The following SLCO5A1 variants were observed in gnomAD, a reference collection of about 807,000 sequenced individuals.
SLCO5A1 encodes the protein organic anion transporter polypeptide-related protein 4.
In SLCO5A1, 39 loss-of-function variants were observed where a neutral mutation model predicts 65.1. The observed-to-expected ratio is 0.60, with a 90% confidence interval of 0.46 to 0.78. SLCO5A1 has a LOEUF of 0.78. Ranked by LOEUF, SLCO5A1 falls within the 30% of genes least tolerant of loss-of-function variation. The pLI is 0.00. For synonymous variants in SLCO5A1, 438 were observed against 415.7 expected, an observed-to-expected ratio of 1.05 and a Z score of -0.65; for missense variants, 1,029 against 1,069.4, an observed-to-expected ratio of 0.96 and a Z score of 0.53.
At position 69,670,848 on chromosome 8, in the gene SLCO5A1, TC is replaced by T. The variant is rs1487275691; in HGVS notation, c.*2020del. On this transcript the variant is annotated 3_prime_UTR_variant, in exon 10 of 10. Transcript: ENST00000260126. ...ACACCACACCTCTCCAATCTACATA[TC>T]TTTAACTCCCACACCAAAGGAAAAT... 6.6e-6 allele frequency: 1 copy of T among 152,188 alleles called. No homozygotes were observed. Among genetic ancestry groups the T allele is most frequent in the Non-Finnish European group, 1.5e-5 (1 of 68,042 alleles). The allele number at this position is 152,188 out of a possible 1,614,324, so 9.4% of individuals were successfully genotyped here.
Position 69,761,831 on chromosome 8 carries a change from A to G in SLCO5A1, c.952T>C (p.Leu318=). 1 of 1,613,970 alleles carries G rather than the reference A, an allele frequency of 6.2e-7. No homozygotes were observed. The highest frequency in any genetic ancestry group is 8.5e-7 in the Non-Finnish European group (1 of 1,179,982). The part of the protein sequence containing the change: ...MGALGPAVGY[L]LGGLLIGFYV... ...AAACCAATAAGAAGTCCACCTAATA[A>G]ATATCCCACTGCAGGGCCAAGTGCT... The change falls in exon 3 of 10, where the codon TTA becomes CTA. Residue 318 remains leucine, a synonymous_variant. Transcript: ENST00000260126.
chr8:69,753,735 G>C (rs1324564935), intron 4 of SLCO5A1, among the ~76,000 whole-genome samples: 2 of 152,040 alleles, frequency 1.3e-5, no homozygotes, highest in Non-Finnish European at 2.9e-5. Flanking sequence ...GGCTGGCCAG[G>C]CATGGTGGCT....
chr8:69,731,581 TCTGA>T (rs1165493239), intron 5 of SLCO5A1, among the ~76,000 whole-genome samples: 1 of 152,368 alleles, frequency 6.6e-6, no homozygotes, highest in Non-Finnish European at 1.5e-5. Flanking sequence ...AGCTGAGTGT[TCTGA>T]CTTTTTGTCC....
intron 2 of SLCO5A1, among the ~76,000 whole-genome samples, chr8:69,786,752 C>G (rs1819055591): frequency 6.6e-6 from 1 of 152,136 alleles, no homozygotes; most frequent in Non-Finnish European, 1.5e-5. Flanking sequence ...AAAAAATTAT[C>G]TTGCGTAGAA....
At position 69,705,702 on chromosome 8, in the gene SLCO5A1, G is replaced by A. The variant is rs563604775; in HGVS notation, c.1424-473C>T. Among the ~76,000 whole-genome samples, 9 of 152,260 alleles carry A rather than the reference G, an allele frequency of 5.9e-5. No homozygotes were observed. In the South Asian group the frequency reaches 1.7e-3, roughly 28 times the overall value. ...CCACATGTACCTCATAAATATGTAC[G>A]AATGTAATGTATAAAATTTTTTTAA... On this transcript the variant is annotated intron_variant, in intron 5 of 9. Coordinates refer to ENST00000260126, the MANE Select transcript of SLCO5A1 (RefSeq NM_030958.3).
At chr8:69,736,084 T>C (rs1014209198) in intron 5 of SLCO5A1, among the ~76,000 whole-genome samples, 24 of 152,228 alleles carry the variant, frequency 1.6e-4, no homozygotes, top group African/African-American at 5.5e-4. Context: ...AAGTTGCTGA[T>C]GACAAAATCA....
intron 4 of SLCO5A1, among the ~76,000 whole-genome samples, chr8:69,744,660 A>G (rs889753960): frequency 2.6e-5 from 4 of 152,216 alleles, no homozygotes; most frequent in Non-Finnish European, 4.4e-5. Flanking sequence ...CATCTGGCCT[A>G]TAGGAGGCAC....
At chr8:69,719,528 A>G (rs956953936) in intron 5 of SLCO5A1, 1 of 152,258 alleles carries the variant, frequency 6.6e-6, no homozygotes, top group Non-Finnish European at 1.5e-5. Context: ...TAATAGTAAG[A>G]CAAATAACAA....
At chr8:69,690,867 A>G (rs1202503015) in intron 6 of SLCO5A1, among the ~76,000 whole-genome samples, 1 of 152,210 alleles carries the variant, frequency 6.6e-6, no homozygotes, top group Non-Finnish European at 1.5e-5. Flanking sequence ...CCCAGATAAT[A>G]TAATAGATTT....
intron 9 of SLCO5A1, among the ~76,000 whole-genome samples, chr8:69,676,084 GTAAA>G (rs1199459243): frequency 1.2e-4 from 19 of 152,318 alleles, no homozygotes; most frequent in African/African-American, 4.1e-4. Flanking sequence ...TTGTTGATAA[GTAAA>G]TACTTACAAG....
intron 2 of SLCO5A1, among the ~76,000 whole-genome samples, chr8:69,790,980 CA>C (rs1249087578): frequency 6.6e-6 from 1 of 151,950 alleles, no homozygotes; most frequent in African/African-American, 2.4e-5. Flanking sequence ...TGCCATTGTA[CA>C]AACAGCATAT....
chr8:69,685,943 T>TA (rs34242610), intron 6 of SLCO5A1, among the ~76,000 whole-genome samples: 6,061 of 152,218 alleles, frequency 0.04, 233 homozygotes, highest in African/African-American at 0.097. Context: ...ATAGGGTCAT[T>TA]ACAGCTAAGT....
At chr8:69,834,151 G>C (rs1821308772) in intron 1 of SLCO5A1, 2 of 153,886 alleles carry the variant, frequency 1.3e-5, no homozygotes, top group Admixed American at 6.6e-5. Context: ...AACCTCTCTC[G>C]CGATCCCGCA....
At chr8:69,687,482 A>C (rs1280718092) in intron 6 of SLCO5A1, among the ~76,000 whole-genome samples, 1 of 152,224 alleles carries the variant, frequency 6.6e-6, no homozygotes, top group Non-Finnish European at 1.5e-5. Flanking sequence ...ACATGTAATA[A>C]CCCACAATAT....
At chr8:69,758,845 C>T (rs1040130694) in intron 3 of SLCO5A1, among the ~76,000 whole-genome samples, 7 of 152,142 alleles carry the variant, frequency 4.6e-5, no homozygotes, top group Non-Finnish European at 7.3e-5. Flanking sequence ...CTACCTAAAT[C>T]CCTTTCATGA....
intron 4 of SLCO5A1, among the ~76,000 whole-genome samples, chr8:69,746,391 G>A (rs1041611770): frequency 5.9e-5 from 9 of 151,952 alleles, no homozygotes; most frequent in Admixed American, 3.3e-4. Flanking sequence ...AAGAGTGATC[G>A]AACAAGCAGA....
chr8:69,744,369 C>T lies in SLCO5A1; in HGVS notation c.1259-6165G>A, dbSNP rs185156628. On this transcript the variant is annotated intron_variant, in intron 4 of 9. Transcript: ENST00000260126. ...GCTTCATCCATGGCATGGTCTTCTT[C>T]ATCTCTGTACTATTTGTGGTATTCC... 3.4e-4 allele frequency among the ~76,000 whole-genome samples: 52 copies of T among 152,320 alleles called. 1 individual carries two copies. Among genetic ancestry groups the T allele is most frequent in the African/African-American group, 1.1e-3 (44 of 41,562 alleles).
chr8:69,737,576 C>T (rs570139817), intron 5 of SLCO5A1, among the ~76,000 whole-genome samples: 6 of 152,212 alleles, frequency 3.9e-5, no homozygotes, highest in African/African-American at 1.4e-4. Context: ...AAATAAAATT[C>T]ATACATTTCC....
At chr8:69,703,424 T>C (rs1434899345) in intron 6 of SLCO5A1, among the ~76,000 whole-genome samples, 1 of 152,070 alleles carries the variant, frequency 6.6e-6, no homozygotes, top group African/African-American at 2.4e-5. Context: ...CATATGCCCA[T>C]AATCCCAGCT....
Sources: gnomAD v4.1 joint callset for allele counts (sites outside exome capture counted in the v4.1 genomes callset) on GRCh38, gnomAD v4.1.1 for gene constraint, MANE v1.5 for transcripts, NCBI Gene and HGNC (gene_info 2026-07-23, HGNC 2026-07-21) for gene names.